SLC2A13: variants seen among roughly 807,000 people sequenced by gnomAD.
SLC2A13 encodes proton myo-inositol cotransporter.
SLC2A13 carries 32 observed loss-of-function variants against 64.4 expected under a neutral mutation model. That is an observed-to-expected ratio of 0.50 (90% CI 0.37 to 0.67). The LOEUF (loss-of-function observed/expected upper bound fraction) is 0.67, where lower values mean the gene tolerates loss of function less well. Among genes scored for constraint, SLC2A13 ranks in the 30% least tolerant of loss-of-function variants. SLC2A13 has a pLI of 0.00. For missense variants in SLC2A13, 743 were observed against 829.2 expected (o/e 0.90, Z 1.28); for synonymous variants, 338 against 327.1 (o/e 1.03, Z -0.36).
chr12:40,042,096 G>A (rs1037022762), intron 2 of SLC2A13, among the ~76,000 whole-genome samples: 1 of 152,132 alleles, frequency 6.6e-6, no homozygotes, highest in South Asian at 2.1e-4. Flanking sequence ...TCCTATAGAG[G>A]TTCCCAGGAC....
intron 4 of SLC2A13, among the ~76,000 whole-genome samples, chr12:39,895,724 G>A (rs1174714198): frequency 1.5e-5 from 2 of 129,478 alleles, no homozygotes; most frequent in African/African-American, 2.8e-5. Context: ...ATATGTATAT[G>A]CGTGTATACG....
At chr12:39,803,112 A>G (rs1278579794) in intron 7 of SLC2A13, among the ~76,000 whole-genome samples, 1 of 151,340 alleles carries the variant, frequency 6.6e-6, no homozygotes, top group Admixed American at 6.6e-5. Flanking sequence ...CCTGAAGTAC[A>G]GGGTATAAGG....
intron 4 of SLC2A13, among the ~76,000 whole-genome samples, chr12:39,906,028 A>T (rs1945267009): frequency 6.6e-6 from 1 of 152,166 alleles, no homozygotes; most frequent in Admixed American, 6.6e-5. Context: ...AATCTGTAAA[A>T]CACCATAAAT....
At chr12:39,947,431 C>A (rs376509084) in intron 4 of SLC2A13, among the ~76,000 whole-genome samples, 50 of 152,082 alleles carry the variant, frequency 3.3e-4, no homozygotes, top group African/African-American at 1.2e-3. Context: ...TCAAGTTCCC[C>A]AAAAAAGAAA....
intron 7 of SLC2A13, among the ~76,000 whole-genome samples, chr12:39,820,267 G>A (rs982801628): frequency 1.3e-5 from 2 of 152,178 alleles, no homozygotes; most frequent in Admixed American, 6.5e-5. Flanking sequence ...CAGAGGGCAA[G>A]TGAAGACAGA....
chr12:39,978,805 C>G (rs1361902767), intron 3 of SLC2A13, among the ~76,000 whole-genome samples: 1 of 152,106 alleles, frequency 6.6e-6, no homozygotes, highest in Admixed American at 6.5e-5. Context: ...GAAGCTCGAA[C>G]TGGGTGGAGC....
At chr12:39,977,112 G>A (rs1166778741) in intron 3 of SLC2A13, among the ~76,000 whole-genome samples, 1 of 152,166 alleles carries the variant, frequency 6.6e-6, no homozygotes, top group Non-Finnish European at 1.5e-5. Context: ...AAAGAGGAAG[G>A]TAGGCATGAG....
At chr12:40,039,297 A>G (rs1346087435) in intron 2 of SLC2A13, among the ~76,000 whole-genome samples, 2 of 152,078 alleles carry the variant, frequency 1.3e-5, no homozygotes, top group South Asian at 2.1e-4. Context: ...TCTTTTCCCA[A>G]CCTTTCACTT....
chr12:39,933,063 C>CAA (rs146869538), intron 4 of SLC2A13, among the ~76,000 whole-genome samples: 9 of 150,936 alleles, frequency 6.0e-5, no homozygotes, highest in Non-Finnish European at 7.4e-5. Context: ...CTGTCTCTAC[C>CAA]AAAAAAAATA....
chr12:40,001,184 C>T (rs2136182171), intron 3 of SLC2A13, among the ~76,000 whole-genome samples: 1 of 152,346 alleles, frequency 6.6e-6, no homozygotes, highest in East Asian at 1.9e-4. Context: ...TGTTAGCATT[C>T]ACTCAAAGTG....
At chr12:39,916,069 G>A (rs1301980459) in intron 4 of SLC2A13, among the ~76,000 whole-genome samples, 1 of 151,782 alleles carries the variant, frequency 6.6e-6, no homozygotes, top group Non-Finnish European at 1.5e-5. Flanking sequence ...CTAGCCTTAG[G>A]AGTTGAAAAG....
intron 6 of SLC2A13, among the ~76,000 whole-genome samples, chr12:39,861,602 A>G (rs1305688886): frequency 6.6e-6 from 1 of 152,234 alleles, no homozygotes; most frequent in Non-Finnish European, 1.5e-5. Flanking sequence ...TGAATTGGAA[A>G]TGAAAGGAAT....
At chr12:39,919,288 G>C (rs577708906) in intron 4 of SLC2A13, among the ~76,000 whole-genome samples, 1 of 152,050 alleles carries the variant, frequency 6.6e-6, no homozygotes, top group African/African-American at 2.4e-5. Context: ...CATTCTTCTT[G>C]GCCAATGCTT....
At chr12:39,805,136 G>GCAGGGCAGGC in intron 7 of SLC2A13, among the ~76,000 whole-genome samples, 1 of 149,028 alleles carries the variant, frequency 6.7e-6, no homozygotes, top group East Asian at 2.0e-4. Context: ...GACAGCAAGG[G>GCAGGGCAGGC]CAGGCCAGGC....
intron 7 of SLC2A13, among the ~76,000 whole-genome samples, chr12:39,798,665 G>C (rs1172777007): frequency 1.3e-5 from 2 of 152,176 alleles, no homozygotes; most frequent in East Asian, 1.9e-4. Context: ...AACAGCCCGG[G>C]CTAGTGCTGA....
rs1939959951 is a variant in SLC2A13, at chr12:39,755,940, C to T, written c.*4086G>A. ...TACTGGCACACAAAAATTTCCTTCT[C>T]TAAAGAGACAAGATACAAGAAAGAG... On this transcript the variant is annotated 3_prime_UTR_variant, in exon 10 of 10. Coordinates refer to ENST00000280871, the MANE Select transcript of SLC2A13 (RefSeq NM_052885.4). 1 of 152,000 alleles carries T rather than the reference C, an allele frequency of 6.6e-6. No individual in the cohort carries two copies. The highest frequency in any genetic ancestry group is 1.5e-5 in the Non-Finnish European group (1 of 67,840). 9.4% of individuals were successfully genotyped at this position (152,000 alleles called of 1,614,324 possible). A position where few individuals can be genotyped will look rare whatever the true frequency, so the allele number is the denominator to read the frequency against.
chr12:39,824,003 C>A (rs1358313995), intron 7 of SLC2A13, among the ~76,000 whole-genome samples: 1 of 152,020 alleles, frequency 6.6e-6, no homozygotes. Flanking sequence ...ACATCATATC[C>A]TCTCATTTAT....
intron 4 of SLC2A13, among the ~76,000 whole-genome samples, chr12:39,875,115 T>G (rs1484101430): frequency 2.0e-5 from 3 of 152,246 alleles, no homozygotes; most frequent in African/African-American, 7.2e-5. Flanking sequence ...TTAGTGACTT[T>G]AAAACAAAAC....
chr12:39,922,320 C>T (rs1164805628), intron 4 of SLC2A13, among the ~76,000 whole-genome samples: 1 of 152,166 alleles, frequency 6.6e-6, no homozygotes, highest in Non-Finnish European at 1.5e-5. Flanking sequence ...AGATAACCCC[C>T]ACCCTGCACC....
Sources: allele counts gnomAD v4.1 joint callset (sites outside exome capture counted in the v4.1 genomes callset), GRCh38; gene constraint gnomAD v4.1.1; transcripts MANE v1.5; gene names NCBI Gene and HGNC (gene_info 2026-07-23, HGNC 2026-07-21).